The following ZNF91 variants were observed in gnomAD, a reference collection of about 807,000 sequenced individuals.
ZNF91 encodes zinc finger protein 91 (HPF7, HTF10).
In ZNF91, 7 loss-of-function variants were observed where a neutral mutation model predicts 12.6. The observed-to-expected ratio is 0.55, with a 90% CI of 0.31 to 1.04. The LOEUF is 1.04. ZNF91 is among the 50% of genes least tolerant of loss of function. The probability of loss-of-function intolerance (pLI) is 0.05; values close to 1 mark genes in which losing one functional copy is unlikely to be tolerated. For synonymous variants in ZNF91, 453 were observed against 462.6 expected, an observed-to-expected ratio of 0.98 and a Z score of 0.27; for missense variants, 1,217 against 1,385.4, an observed-to-expected ratio of 0.88 and a Z score of 1.93.
At chr19:23,354,874 G>A (rs778315557), downstream of ZNF91, among the ~76,000 whole-genome samples, 7 of 151,490 alleles carry the variant, frequency 4.6e-5, no homozygotes, top group South Asian at 2.1e-4. Flanking sequence ...TTACAATAGC[G>A]GGAAAAAAAT....
At chr19:23,395,187 G>T in intron 1 of ZNF91, 138 bp downstream of exon 1, 1 of 1,081,058 alleles carries the variant, frequency 9.3e-7, no homozygotes. Context: ...AGGGGACTGA[G>T]GCCGAGCTGG....
intron 1 of ZNF91, among the ~76,000 whole-genome samples, chr19:23,332,645 C>T (rs1312349036): frequency 3.3e-5 from 5 of 151,302 alleles, no homozygotes; most frequent in African/African-American, 1.2e-4. Flanking sequence ...ATAAGTGTGC[C>T]AGGACAGGGT....
intron 3 of ZNF91, among the ~76,000 whole-genome samples, chr19:23,368,298 T>G (rs939985179): frequency 2.6e-4 from 40 of 151,718 alleles, no homozygotes; most frequent in Admixed American, 1.6e-3. Flanking sequence ...GATCACAAGG[T>G]GAGGAGTTCA....
chr19:23,353,690 T>C (rs1262406922), downstream of ZNF91, among the ~76,000 whole-genome samples: 2 of 152,044 alleles, frequency 1.3e-5, no homozygotes, highest in East Asian at 3.9e-4. Context: ...TAAATAAAAC[T>C]GATAGACCAT....
chr19:23,325,717 G>A (rs75457166), intron 1 of ZNF91: 4,804 of 152,196 alleles, frequency 0.032, 151 homozygotes, highest in Non-Finnish European at 0.042. Context: ...ACCATGCTCC[G>A]GTCACTGACT....
chr19:23,379,970 A>C (rs1041131247), intron 1 of ZNF91, among the ~76,000 whole-genome samples: 4 of 152,148 alleles, frequency 2.6e-5, no homozygotes, highest in African/African-American at 9.7e-5. Context: ...CAAAGAGTGA[A>C]GTCTGGCCGG....
At chr19:23,377,318 C>G (rs1969538659) in intron 1 of ZNF91, among the ~76,000 whole-genome samples, 1 of 152,192 alleles carries the variant, frequency 6.6e-6, no homozygotes, top group Non-Finnish European at 1.5e-5. Context: ...TAGATGCTAT[C>G]TTCAGAACAT....
intron 3 of ZNF91, among the ~76,000 whole-genome samples, chr19:23,348,080 T>C (rs941188822): frequency 6.6e-6 from 1 of 152,136 alleles, no homozygotes; most frequent in Non-Finnish European, 1.5e-5. Flanking sequence ...AGGTATAAAA[T>C]GGGTTCTCCA....
At chr19:23,378,694 A>C (rs553277978) in intron 1 of ZNF91, among the ~76,000 whole-genome samples, 44 of 152,336 alleles carry the variant, frequency 2.9e-4, no homozygotes, top group African/African-American at 1.1e-3. Flanking sequence ...CACAAGTCAC[A>C]AAAATATAAA....
chr19:23,393,781 G>A (rs1970144270), intron 1 of ZNF91, among the ~76,000 whole-genome samples: 1 of 152,134 alleles, frequency 6.6e-6, no homozygotes, highest in African/African-American at 2.4e-5. Context: ...GGGCAGACCA[G>A]CTGAGGCCAG....
At chr19:23,375,213 C>T (rs949381868) in intron 1 of ZNF91, among the ~76,000 whole-genome samples, 6 of 151,482 alleles carry the variant, frequency 4.0e-5, no homozygotes, top group East Asian at 1.9e-4. Flanking sequence ...CAGGCTGGAG[C>T]ACAGTGGCGC....
chr19:23,368,560 C>CTATATATATATA (rs1369086504), intron 3 of ZNF91, among the ~76,000 whole-genome samples: 3 of 117,570 alleles, frequency 2.6e-5, no homozygotes, highest in African/African-American at 1.0e-4. Context: ...CTCTCTCTCT[C>CTATATATATATA]TCTATATATA....
Position 23,374,686 on chromosome 19 carries a change from A to C in ZNF91, c.109T>G (p.Leu37Val), listed in dbSNP as rs201542339. ...WQCLDTAQQN[L>V]YRNVMLENYR... ...TTCTCTAACATCACATTCCTATATA[A>C]ATTCTGCTGTGCAGTGTCCAGACAT... Residue 37 changes from leucine (L) to valine (V), a missense_variant, in exon 2 of 4, where the codon TTA (leucine) becomes GTA (valine). Leu to Val is a conservative substitution (Grantham distance 32, BLOSUM62 1). This residue lies in a region of ZNF91 where 726 missense variants were observed against 895.5 expected (regional missense o/e 0.81). Transcript: ENST00000300619. 1 of 1,613,282 alleles carries C rather than the reference A, an allele frequency of 6.2e-7. No individual in the cohort carries two copies. Among genetic ancestry groups the C allele is most frequent in the East Asian group, 2.2e-5 (1 of 44,848 alleles).
In ZNF91 at chr19:23,395,417, A is replaced by G. The variant is rs1050665236; in HGVS notation, c.-63T>C. On this transcript the variant is annotated 5_prime_UTR_variant, in exon 1 of 4. Transcript: ENST00000300619. ...CCACACAGGCTGGGCCTCCTGGAGCAGAGGACACAGAGCAGTGAAGTCGAG... is the reference window on the plus strand; with the variant it reads ...CCACACAGGCTGGGCCTCCTGGAGCGGAGGACACAGAGCAGTGAAGTCGAG... The G allele has an allele frequency of 2.5e-6, 4 of 1,594,822 alleles. No individual in the cohort carries two copies. The highest frequency in any genetic ancestry group is 2.7e-5 in the African/African-American group (2 of 74,238).
At chr19:23,306,256 C>T (rs1967397319) in intron 3 of ZNF91, among the ~76,000 whole-genome samples, 1 of 152,180 alleles carries the variant, frequency 6.6e-6, no homozygotes, top group Non-Finnish European at 1.5e-5. Flanking sequence ...ATACCTAGAA[C>T]CCGGACCTGT....
At chr19:23,328,119 T>G (rs1967869109) in intron 1 of ZNF91, 2 of 152,200 alleles carry the variant, frequency 1.3e-5, no homozygotes, top group Non-Finnish European at 2.9e-5. Context: ...TTGTGAAGGT[T>G]CTGTCTTTAC....
intron 1 of ZNF91, chr19:23,327,548 G>A (rs542538548): frequency 2.6e-5 from 4 of 152,210 alleles, no homozygotes; most frequent in East Asian, 1.9e-4. Flanking sequence ...TTAAAGATAC[G>A]TTACTAACTT....
upstream of ZNF91, among the ~76,000 whole-genome samples, chr19:23,314,821 A>G (rs986344554): frequency 3.3e-5 from 5 of 152,086 alleles, no homozygotes; most frequent in South Asian, 2.1e-4. Flanking sequence ...AGAGATTGCA[A>G]TTTATTGCTG....
chr19:23,341,448 A>T (rs1032919005), intron 3 of ZNF91, among the ~76,000 whole-genome samples: 2 of 152,224 alleles, frequency 1.3e-5, no homozygotes, highest in Non-Finnish European at 2.9e-5. Flanking sequence ...CATTTATTGC[A>T]GCATGCTCAC....
Sources: allele counts gnomAD v4.1 joint callset (sites outside exome capture counted in the v4.1 genomes callset), GRCh38; gene constraint gnomAD v4.1.1; regional missense constraint gnomAD v4.1.1; transcripts MANE v1.5; gene names NCBI Gene and HGNC (gene_info 2026-07-23, HGNC 2026-07-21).